C16orf46: variants seen among roughly 807,000 people sequenced by gnomAD.
The protein encoded by C16orf46 is chromosome 16 open reading frame 46.
A neutral mutation model predicts 5.5 loss-of-function variants in C16orf46; 7 were observed. That is an observed-to-expected ratio of 1.28 (90% CI 0.73 to 2.40). The LOEUF is 2.40. Ranked by LOEUF, C16orf46 falls within the 30% of genes most tolerant of loss-of-function variation. C16orf46 has a pLI of 0.00. For synonymous variants in C16orf46, 200 were observed against 184.1 expected (o/e 1.09, Z -0.70); for missense variants, 614 against 476.0 (o/e 1.29, Z -2.70).
chr16:81,058,438 G>C (rs1277557368), downstream of C16orf46, among the ~76,000 whole-genome samples: 6 of 152,186 alleles, frequency 3.9e-5, no homozygotes, highest in African/African-American at 1.4e-4. Flanking sequence ...AAGCTGCACA[G>C]TGATGGTGTT....
intron 1 of C16orf46, among the ~76,000 whole-genome samples, chr16:81,073,564 T>C (rs1016419065): frequency 6.6e-6 from 1 of 152,346 alleles, no homozygotes; most frequent in African/African-American, 2.4e-5. Context: ...AAAGGGACTT[T>C]GCAGATGTAA....
chr16:81,074,276 G>T (rs547278487), intron 1 of C16orf46, among the ~76,000 whole-genome samples: 4 of 152,336 alleles, frequency 2.6e-5, no homozygotes, highest in Admixed American at 6.5e-5. Flanking sequence ...TACCTCAAAA[G>T]TGGTCTGACT....
chr16:81,062,217 T>C (rs1971507877), intron 3 of C16orf46, 79 bp from the exon 4 acceptor site: 2 of 1,287,504 alleles, frequency 1.6e-6, no homozygotes, highest in South Asian at 3.7e-5. Flanking sequence ...ACATTCCCAT[T>C]TTGGCAGTCT....
At chr16:81,071,195 G>T (rs961172168) in intron 1 of C16orf46, among the ~76,000 whole-genome samples, 2 of 152,256 alleles carry the variant, frequency 1.3e-5, no homozygotes, top group Middle Eastern at 3.4e-3. Context: ...TTCCTGATAT[G>T]ACTGCTCCTC....
Position 81,061,638 on chromosome 16 carries a change from TTC to T in C16orf46, c.709_710del (p.Glu237ArgfsTer26). 2 of 1,614,204 alleles carry T rather than the reference TTC, an allele frequency of 1.2e-6. No homozygotes were observed. The highest frequency in any genetic ancestry group is 1.7e-6 in the Non-Finnish European group (2 of 1,180,040). On this transcript the variant is annotated frameshift_variant, in exon 4 of 4. Transcript: ENST00000299578. LOFTEE classifies it low-confidence loss of function (END_TRUNC). ...CCTTTTCCACATCCAGCACCTTCTC[TTC>T]TGACTGCAAGAAAGAGTTCTTACTC... Reference protein sequence around the residue: ...KKSKNSFLQSEEKVLDVEKDG... With the variant: ...KKSKNSFLQSXEKVLDVEKDG...
chr16:81,056,105 G>A (rs982711485), downstream of C16orf46: 1 of 152,214 alleles, frequency 6.6e-6, no homozygotes, highest in Admixed American at 6.5e-5. Context: ...ATATACATAT[G>A]AAGCACAGAT....
At position 81,061,898 on chromosome 16, in the gene C16orf46, A is replaced by C; in HGVS notation, c.451T>G (p.Cys151Gly). 1 of 1,614,210 alleles carries C rather than the reference A, an allele frequency of 6.2e-7. No individual in the cohort carries two copies. Among genetic ancestry groups the C allele is most frequent in the Non-Finnish European group, 8.5e-7 (1 of 1,180,038 alleles). The change falls in exon 4 of 4, where the codon TGC (cysteine) becomes GGC (glycine). Residue 151 changes from cysteine to glycine, a missense_variant. By Grantham distance (159) the Cys-to-Gly change is radical. Transcript: ENST00000299578. ...TCTGCTCGAAAGTAGGTGGGAAAGC[A>C]GATGTCGCTAATTGCCCTGGAAGCA... ...STASRAISDI[C>G]FPTYFRAEKK...
chr16:81,061,996 G>A lies in C16orf46; in HGVS notation c.353C>T (p.Pro118Leu). 6.2e-7 allele frequency: 1 copy of A among 1,614,132 alleles called. No homozygotes were observed. Among genetic ancestry groups the A allele is most frequent in the South Asian group, 1.1e-5 (1 of 91,084 alleles). ...ATCCTTCTCTGGGCCCCCCTCAGTA[G>A]GAGGCTTGGTCTGGAGGCTCCAGTG... The part of the protein sequence containing the change: ...LSHWSLQTKP[P>L]TEGGPEKDQS... The change falls in exon 4 of 4, where the codon CCT (proline) becomes CTT (leucine). Residue 118 changes from proline to leucine, a missense_variant. Transcript: ENST00000299578.
intron 3 of C16orf46, chr16:81,055,320 T>G (rs1252784338): frequency 1.3e-5 from 2 of 152,180 alleles, no homozygotes; most frequent in African/African-American, 4.8e-5. Flanking sequence ...AAAGGCTTAG[T>G]GAACTGTCAT....
chr16:81,070,247 A>T (rs1355178542), intron 1 of C16orf46, among the ~76,000 whole-genome samples: 7 of 152,232 alleles, frequency 4.6e-5, no homozygotes. Context: ...GAATACTGAG[A>T]TGATATAAAT....
intron 1 of C16orf46, among the ~76,000 whole-genome samples, chr16:81,072,694 TTTTTTA>T (rs942636267): frequency 6.6e-6 from 1 of 151,444 alleles, no homozygotes; most frequent in Non-Finnish European, 1.5e-5. Flanking sequence ...TAGTTTTTAT[TTTTTTA>T]TTTTTATTTT....
intron 3 of C16orf46, among the ~76,000 whole-genome samples, chr16:81,062,879 C>CTTTTTTTTTTTTTTTTTTT (rs35694573): frequency 7.2e-6 from 1 of 138,364 alleles, no homozygotes; most frequent in East Asian, 2.1e-4. Context: ...TAGTTTTATG[C>CTTTTTTTTTTTTTTTTTTT]TTTTTTTTTT....
At chr16:81,068,464 T>C (rs1411483747) in intron 1 of C16orf46, among the ~76,000 whole-genome samples, 1 of 151,290 alleles carries the variant, frequency 6.6e-6, no homozygotes, top group Non-Finnish European at 1.5e-5. Flanking sequence ...ACCAAGAACA[T>C]AAAGAAATTT....
downstream of C16orf46, chr16:81,058,072 A>G: frequency 6.1e-6 from 1 of 164,298 alleles, no homozygotes; most frequent in East Asian, 1.8e-4. Flanking sequence ...AACCTGAAAC[A>G]GAAATAACTG....
chr16:81,063,498 T>C (rs566939429), intron 3 of C16orf46, among the ~76,000 whole-genome samples: 24 of 152,258 alleles, frequency 1.6e-4, no homozygotes, highest in African/African-American at 4.6e-4. Context: ...CATATGGCTA[T>C]TGAGAGGTTA....
intron 2 of C16orf46, 104 bp from the exon 3 acceptor site, chr16:81,064,097 T>C: frequency 3.1e-6 from 2 of 645,452 alleles, no homozygotes; most frequent in Non-Finnish European, 2.6e-6. Context: ...TTCAGGAATA[T>C]GGCCGGCCGC....
rs749304514 is a variant in C16orf46, at chr16:81,061,464, C to T, written c.885G>A (p.Glu295=). The T allele has an allele frequency of 3.7e-6, 6 of 1,614,158 alleles. No homozygotes were observed. Among genetic ancestry groups the T allele is most frequent in the Non-Finnish European group, 5.1e-6 (6 of 1,180,012 alleles). The change falls in exon 4 of 4, where the codon GAG becomes GAA. Residue 295 remains glutamate (E), a synonymous_variant. Coordinates refer to ENST00000299578, the MANE Select transcript of C16orf46 (RefSeq NM_152337.3). ...GGAGGGACCAATGCAGGCAGCGCTGCTCCGGATCGGTCAGCAGGGATATCT... is the reference window on the plus strand; with the variant it reads ...GGAGGGACCAATGCAGGCAGCGCTGTTCCGGATCGGTCAGCAGGGATATCT... The part of the protein sequence containing the change: ...AAQISLLTDP[E]QRCLHWSLLS...
chr16:81,056,899 C>G (rs1207747040), downstream of C16orf46, among the ~76,000 whole-genome samples: 1 of 152,084 alleles, frequency 6.6e-6, no homozygotes, highest in African/African-American at 2.4e-5. Context: ...ATAAGTAAAG[C>G]TGTCAGAGAA....
At position 81,063,994 on chromosome 16, in the gene C16orf46, C is replaced by A; in HGVS notation, c.-38-1G>T. 2 of 1,467,312 alleles carry A rather than the reference C, an allele frequency of 1.4e-6. No homozygotes were observed. Among genetic ancestry groups the A allele is most frequent in the South Asian group, 1.2e-5 (1 of 81,052 alleles). The allele number at this position is 1,467,312 out of a possible 1,614,324, so 90.9% of individuals were successfully genotyped here. ...GCTTAAAGTTTTTAACATCTTCTTGCTGTTTAAAAACATGAATGGAACTTC... is the reference window on the plus strand; with the variant it reads ...GCTTAAAGTTTTTAACATCTTCTTGATGTTTAAAAACATGAATGGAACTTC... On this transcript the variant is annotated splice_acceptor_variant, in intron 2 of 3. Coordinates refer to ENST00000299578, the MANE Select transcript of C16orf46 (RefSeq NM_152337.3). LOFTEE classifies it low-confidence loss of function (5UTR_SPLICE).
Sources: allele counts gnomAD v4.1 joint callset (sites outside exome capture counted in the v4.1 genomes callset), GRCh38; gene constraint gnomAD v4.1.1; transcripts MANE v1.5; gene names NCBI Gene and HGNC (gene_info 2026-07-23, HGNC 2026-07-21).